Variants in IQCH observed in about 807,000 individuals in gnomAD.
IQCH encodes IQ domain-containing protein H.
Under a neutral mutation model 117.0 loss-of-function variants are expected in IQCH, and 98 were observed. That is an observed-to-expected ratio of 0.84 (90% confidence interval 0.71 to 0.99). The LOEUF is 0.99. IQCH is among the 50% of genes least tolerant of loss of function. IQCH has a pLI of 0.00. For synonymous variants in IQCH, 412 were observed against 448.2 expected, an observed-to-expected ratio of 0.92 and a Z score of 1.02; for missense variants, 1,102 against 1,243.8, an observed-to-expected ratio of 0.89 and a Z score of 1.72.
chr15:67,487,495 T>C (rs1393150979), intron 18 of IQCH, among the ~76,000 whole-genome samples: 1 of 151,924 alleles, frequency 6.6e-6, no homozygotes, highest in Non-Finnish European at 1.5e-5. Context: ...AGTGCAATAT[T>C]TTAACAATCA....
In IQCH at chr15:67,465,673, C is replaced by T. The variant is rs1596445674; in HGVS notation, c.2676+376C>T. On this transcript the variant is annotated intron_variant, in intron 17 of 20. Coordinates refer to ENST00000335894, the MANE Select transcript of IQCH (RefSeq NM_001031715.3). The surrounding 1 kb of genome is among the most constrained non-coding windows in gnomAD (Gnocchi z 5.9). ...TCCAAAATTCTATAGAACATCTCTG[C>T]TTCGAATCCTCAGAGTCAAGCTATC... Among the ~76,000 whole-genome samples, 1 of 152,192 alleles carries T rather than the reference C, an allele frequency of 6.6e-6. No individual in the cohort carries two copies. Among genetic ancestry groups the T allele is most frequent in the East Asian group, 1.9e-4 (1 of 5,190 alleles).
At position 67,491,218 on chromosome 15, in the gene IQCH, A is replaced by C. The variant is rs2083645200; in HGVS notation, c.2861+1154A>C. On this transcript the variant is annotated intron_variant, in intron 19 of 20. Coordinates refer to ENST00000335894, the MANE Select transcript of IQCH (RefSeq NM_001031715.3). This position sits in a 1 kb window ranked among gnomAD's most constrained non-coding sequence, Gnocchi z 4.9. The stretch of plus-strand genomic sequence containing the variant: ...CCCTCCCCAACCTCCCCTACACCCT[A>C]CTATGGTCAGTCTCCCGGAAACTGA... Among the ~76,000 whole-genome samples the C allele has an allele frequency of 6.6e-6, 1 of 151,902 alleles. No homozygotes were observed. Among genetic ancestry groups the C allele is most frequent in the South Asian group, 2.1e-4 (1 of 4,824 alleles).
chr15:67,282,742 C>T (rs1281997645), intron 4 of IQCH, among the ~76,000 whole-genome samples: 1 of 152,110 alleles, frequency 6.6e-6, no homozygotes, highest in Non-Finnish European at 1.5e-5. Flanking sequence ...TTGCCCACTT[C>T]CAACCTTTTA....
chr15:67,320,671 T>G (rs192090975), intron 4 of IQCH, among the ~76,000 whole-genome samples: 22 of 152,300 alleles, frequency 1.4e-4, no homozygotes, highest in Non-Finnish European at 2.4e-4. Context: ...AATCAAGTTA[T>G]CATTTGTCTT....
Position 67,373,391 on chromosome 15 carries a change from A to G in IQCH, c.1330A>G (p.Ile444Val), listed in dbSNP as rs1382672427. 1 of 1,613,052 alleles carries G rather than the reference A, an allele frequency of 6.2e-7. No homozygotes were observed. Among genetic ancestry groups the G allele is most frequent in the Non-Finnish European group, 8.5e-7 (1 of 1,179,204 alleles). ...AKHLAANWNR[I>V]RTSRRTIIHI... ...GCATCTGGCAGCCAACTGGAATCGC[A>G]TCAGGACCTCCAGGAGGACTATTAT... The change falls in exon 10 of 21, where the codon ATC becomes GTC. Residue 444 changes from isoleucine (I) to valine (V), a missense_variant. Coordinates refer to ENST00000335894, the MANE Select transcript of IQCH (RefSeq NM_001031715.3).
chr15:67,487,160 T>C (rs546215186), intron 18 of IQCH, among the ~76,000 whole-genome samples: 15 of 152,076 alleles, frequency 9.9e-5, no homozygotes, highest in Non-Finnish European at 1.9e-4. Flanking sequence ...TGGTGAAACC[T>C]CATCTCTACT....
Position 67,261,375 on chromosome 15 carries a change from G to T in IQCH, c.155G>T (p.Arg52Met). The change falls in exon 2 of 21, where the codon AGG becomes ATG. Residue 52 changes from arginine to methionine, a missense_variant. Arg to Met is a moderately conservative substitution (Grantham distance 91). Around this residue, in one of 2 missense-constraint regions of IQCH, gnomAD observed 452 missense variants for 449.6 expected, o/e 1.01. Transcript: ENST00000335894. ...DIQSLETAIK[R>M]TEVGLRIHIE... ...CAGAGTCTTGAAACAGCAATCAAAA[G>T]GACTGAAGTGGGGTTAAGAGTAAGT... is the stretch of plus-strand genomic sequence containing the variant. 1.3e-6 allele frequency: 2 copies of T among 1,589,834 alleles called. No homozygotes were observed. Among genetic ancestry groups the T allele is most frequent in the Non-Finnish European group, 1.7e-6 (2 of 1,173,306 alleles).
chr15:67,452,638 C>G (rs2082557481), intron 16 of IQCH, among the ~76,000 whole-genome samples: 1 of 152,318 alleles, frequency 6.6e-6, no homozygotes, highest in Admixed American at 6.5e-5. Flanking sequence ...CCCGACCTTT[C>G]TCTCTGGCTG....
intron 3 of IQCH, among the ~76,000 whole-genome samples, chr15:67,275,078 G>A (rs1188457185): frequency 6.6e-6 from 1 of 152,188 alleles, no homozygotes; most frequent in Non-Finnish European, 1.5e-5. Context: ...TAGTTACAGA[G>A]CAGAATATCT....
rs1177411601 is a variant in IQCH, at chr15:67,476,208, A to G, written c.2799+390A>G. On this transcript the variant is annotated intron_variant, in intron 18 of 20. Coordinates refer to ENST00000335894, the MANE Select transcript of IQCH (RefSeq NM_001031715.3). The surrounding 1 kb of genome is among the most constrained non-coding windows in gnomAD (Gnocchi z 4.1). The stretch of plus-strand genomic sequence containing the variant: ...TGGGGCTGCCATAACAATATAGCAC[A>G]AGCTAAATGGCTTGAGCCACAGAAG... Among the ~76,000 whole-genome samples the G allele has an allele frequency of 6.6e-6, 1 of 152,228 alleles. No homozygotes were observed. The highest frequency in any genetic ancestry group is 1.5e-5 in the Non-Finnish European group (1 of 68,044).
At chr15:67,272,855 C>CT (rs1965959201) in intron 3 of IQCH, among the ~76,000 whole-genome samples, 1 of 152,138 alleles carries the variant, frequency 6.6e-6, no homozygotes, top group Non-Finnish European at 1.5e-5. Flanking sequence ...GGTCTTGTTT[C>CT]TTTTATCCAT....
At position 67,448,589 on chromosome 15, in the gene IQCH, G is replaced by A. The variant is rs544119398; in HGVS notation, c.2506-16538G>A. 9.1e-3 allele frequency among the ~76,000 whole-genome samples: 1,378 copies of A among 152,158 alleles called. 31 individuals carry two copies. The highest frequency in any genetic ancestry group is 0.032 in the African/African-American group (1,317 of 41,458). On this transcript the variant is annotated intron_variant, in intron 16 of 20. Transcript: ENST00000335894. ...TTATGGCTGCATAGTATTCCATGGT[G>A]TATATGTGCCACATTTTCTTAATCC...
At chr15:67,336,657 C>G (rs535679770) in intron 4 of IQCH, among the ~76,000 whole-genome samples, 4 of 152,254 alleles carry the variant, frequency 2.6e-5, no homozygotes, top group African/African-American at 9.6e-5. Context: ...CCTCCTCTGT[C>G]AAGATTTAGC....
rs1205169526 is a variant in IQCH, at chr15:67,424,010, C to A, written c.2505+2433C>A. Among the ~76,000 whole-genome samples the A allele has an allele frequency of 2.6e-5, 4 of 152,120 alleles. No individual in the cohort carries two copies. The highest frequency in any genetic ancestry group is 9.7e-5 in the African/African-American group (4 of 41,428). ...TTGGTATAAGGAAACTTGCACACAG[C>A]AGTCAAAAGGATCTTCTCCAAACAC... is the stretch of plus-strand genomic sequence containing the variant. On this transcript the variant is annotated intron_variant, in intron 16 of 20. Coordinates refer to ENST00000335894, the MANE Select transcript of IQCH (RefSeq NM_001031715.3). The surrounding 1 kb of genome is among the most constrained non-coding windows in gnomAD (Gnocchi z 4.9).
At position 67,442,863 on chromosome 15, in the gene IQCH, G is replaced by GATA. The variant is rs1555499849; in HGVS notation, c.2505+21287_2505+21289dup. Among the ~76,000 whole-genome samples the GATA allele has an allele frequency of 5.8e-3, 678 of 115,914 alleles. 1 individual carries two copies. Among genetic ancestry groups the GATA allele is most frequent in the African/African-American group, 0.022 (644 of 29,280 alleles). The allele number at this position is 115,914 out of a possible 152,430, so 76.0% of individuals were successfully genotyped here. A position where few individuals can be genotyped will look rare whatever the true frequency, so the allele number is the denominator to read the frequency against. On this transcript the variant is annotated intron_variant, in intron 16 of 20. Coordinates refer to ENST00000335894, the MANE Select transcript of IQCH (RefSeq NM_001031715.3). Reference sequence around the variant, plus strand: ...AGATAGATAGATAGATAGATAGATAGATATACATATATATATATATAAAAT... The same window carrying GATA: ...AGATAGATAGATAGATAGATAGATAGATAATATACATATATATATATATAAAAT...
chr15:67,477,483 G>T (rs888950416), intron 18 of IQCH, among the ~76,000 whole-genome samples: 32 of 152,282 alleles, frequency 2.1e-4, no homozygotes, highest in African/African-American at 7.2e-4. Flanking sequence ...TTGGTTAGAT[G>T]AATTCGTGCT....
At chr15:67,389,203 C>G (rs971055537) in intron 12 of IQCH, among the ~76,000 whole-genome samples, 197 bp downstream of exon 12, 3 of 152,212 alleles carry the variant, frequency 2.0e-5, no homozygotes, top group African/African-American at 7.2e-5. Flanking sequence ...GCTACCCCTG[C>G]CCAGTTTCTC....
chr15:67,423,339 G>C (rs553009213), intron 16 of IQCH, among the ~76,000 whole-genome samples: 1 of 152,154 alleles, frequency 6.6e-6, no homozygotes, highest in Non-Finnish European at 1.5e-5. Context: ...GCCGAAGCAG[G>C]CAGATCACTT....
rs144457505 is a variant in IQCH, at chr15:67,316,678, T to A, written c.388-20297T>A. On this transcript the variant is annotated intron_variant, in intron 4 of 20. Coordinates refer to ENST00000335894, the MANE Select transcript of IQCH (RefSeq NM_001031715.3). Reference sequence around the variant, plus strand: ...TAATCTTCACAGTAACCCTAAGAGGTAAGTACTATTCCTACTTTCATTTTA... The same window carrying A: ...TAATCTTCACAGTAACCCTAAGAGGAAAGTACTATTCCTACTTTCATTTTA... Among the ~76,000 whole-genome samples the A allele has an allele frequency of 2.9e-3, 435 of 152,276 alleles. 2 individuals carry two copies. The highest frequency in any genetic ancestry group is 1.0e-2 in the African/African-American group (415 of 41,554).
Sources: gnomAD v4.1 joint callset for allele counts (sites outside exome capture counted in the v4.1 genomes callset) on GRCh38, gnomAD v4.1.1 for gene constraint, gnomAD v4.1.1 regional missense constraint, Gnocchi (gnomAD v3.1) non-coding constraint, MANE v1.5 for transcripts, NCBI Gene and HGNC (gene_info 2026-07-23, HGNC 2026-07-21) for gene names.